The following CNGA3 variants were observed in gnomAD, a reference collection of about 807,000 sequenced individuals.
The protein encoded by CNGA3 is cyclic nucleotide gated channel subunit alpha 3, also known as cyclic nucleotide-gated channel alpha-3.
Under a neutral mutation model 46.6 loss-of-function variants are expected in CNGA3, and 42 were observed. The observed-to-expected ratio is 0.90, with a 90% CI of 0.70 to 1.17. The LOEUF is 1.17. Ranked by LOEUF, CNGA3 falls within the 50% of genes most tolerant of loss-of-function variation. The pLI is 0.00. For missense variants in CNGA3, 893 were observed against 890.7 expected (o/e 1.00, Z -0.03); for synonymous variants, 394 against 369.4 (o/e 1.07, Z -0.76).
chr2:98,355,787 T>A (rs947894594), intron 1 of CNGA3: 4 of 152,210 alleles, frequency 2.6e-5, no homozygotes, highest in African/African-American at 9.6e-5. Context: ...TATTATTAGA[T>A]GAAAAAATTA....
chr2:98,355,777 T>C (rs567126806), intron 1 of CNGA3: 291 of 152,366 alleles, frequency 1.9e-3, no homozygotes, highest in African/African-American at 6.7e-3. Flanking sequence ...AGGCCATTTC[T>C]ATTATTAGAT....
chr2:98,381,889 G>C (rs954833799), intron 4 of CNGA3, among the ~76,000 whole-genome samples: 18 of 152,176 alleles, frequency 1.2e-4, no homozygotes, highest in African/African-American at 4.3e-4. Context: ...GGGGAAAGAG[G>C]AAGAGGGAGG....
chr2:98,355,543 A>G (rs897436198), intron 1 of CNGA3, among the ~76,000 whole-genome samples: 76 of 152,010 alleles, frequency 5.0e-4, no homozygotes, highest in African/African-American at 1.6e-3. Flanking sequence ...TTCTGCACAT[A>G]TTTTAAGTTT....
intron 2 of CNGA3, 34 bp from the exon 3 acceptor site, chr2:98,377,653 A>G: frequency 6.3e-7 from 1 of 1,586,450 alleles, no homozygotes; most frequent in Non-Finnish European, 8.6e-7. Context: ...TGGGCTTGAA[A>G]TCAATTCTGC....
In CNGA3 at chr2:98,398,059, A is replaced by C. The variant is rs955060063; in HGVS notation, c.*804A>C. The C allele has an allele frequency of 4.2e-4, 64 of 152,358 alleles. 3 individuals carry two copies. The highest frequency in any genetic ancestry group is 1.5e-5 in the Non-Finnish European group (1 of 68,216). The allele number at this position is 152,358 out of a possible 1,614,324, so 9.4% of individuals were successfully genotyped here. On this transcript the variant is annotated 3_prime_UTR_variant, in exon 8 of 8. Transcript: ENST00000272602. ...TGACCTATTCTAACTCAAGGAGGAG[A>C]GCTATGTACAGGGAGAGCATTTTAG...
intron 7 of CNGA3, among the ~76,000 whole-genome samples, chr2:98,392,941 G>T (rs1692827622): frequency 6.6e-6 from 1 of 152,182 alleles, no homozygotes. Context: ...GCCTAAGCTG[G>T]TAGAGGCCCT....
rs537301784 is a variant in CNGA3, at chr2:98,384,063, A to G, written c.449+622A>G. ...CACCACACCCGGCTAGTTTTTTTGT[A>G]TTTTTAGTAGAGAGGGGGGGTTTCA... On this transcript the variant is annotated intron_variant, in intron 5 of 7. Transcript: ENST00000272602. Among the ~76,000 whole-genome samples the G allele has an allele frequency of 7.6e-4, 116 of 151,642 alleles. 1 individual carries two copies. Among genetic ancestry groups the G allele is most frequent in the African/African-American group, 2.8e-3 (115 of 41,294 alleles).
chr2:98,372,713 T>C (rs762828933), intron 2 of CNGA3, among the ~76,000 whole-genome samples: 8 of 152,072 alleles, frequency 5.3e-5, no homozygotes, highest in Non-Finnish European at 1.2e-4. Context: ...AATGCAGAGG[T>C]CCTGGCACAG....
At chr2:98,352,933 G>A (rs1168265996) in intron 1 of CNGA3, among the ~76,000 whole-genome samples, 1 of 152,062 alleles carries the variant, frequency 6.6e-6, no homozygotes, top group Admixed American at 6.5e-5. Context: ...CAGGGATTGG[G>A]GTGCTGATCC....
intron 1 of CNGA3, among the ~76,000 whole-genome samples, chr2:98,351,641 G>T (rs916897628): frequency 1.3e-5 from 2 of 152,070 alleles, no homozygotes; most frequent in Admixed American, 6.6e-5. Context: ...ACCTCATAAG[G>T]TTATTGAAAA....
intron 5 of CNGA3, among the ~76,000 whole-genome samples, chr2:98,384,022 G>T (rs1692596352): frequency 6.6e-6 from 1 of 152,070 alleles, no homozygotes; most frequent in Non-Finnish European, 1.5e-5. Context: ...GAGTAGCTGG[G>T]ACTACAGGCG....
At chr2:98,392,077 A>G in intron 7 of CNGA3, 107 bp downstream of exon 7, 1 of 1,017,006 alleles carries the variant, frequency 9.8e-7, no homozygotes, top group Admixed American at 1.9e-5. Flanking sequence ...ATGAGAGGCC[A>G]GGCAGGTCTG....
chr2:98,377,826 C>T (rs1423400603), intron 3 of CNGA3, 26 bp downstream of exon 3: 15 of 1,588,384 alleles, frequency 9.4e-6, no homozygotes, highest in Non-Finnish European at 1.3e-5. Context: ...CAGTCCCTAC[C>T]TTGGCCTGGG....
chr2:98,384,428 T>A (rs1692609339), intron 5 of CNGA3, among the ~76,000 whole-genome samples: 1 of 152,234 alleles, frequency 6.6e-6, no homozygotes, highest in Non-Finnish European at 1.5e-5. Context: ...AATGCCGATT[T>A]CTTGACTTCC....
chr2:98,373,672 T>A (rs191026515), intron 2 of CNGA3, among the ~76,000 whole-genome samples: 14 of 152,364 alleles, frequency 9.2e-5, no homozygotes, highest in Admixed American at 3.3e-4. Context: ...TTTTCATTTC[T>A]ACTTAGATCT....
intron 5 of CNGA3, among the ~76,000 whole-genome samples, chr2:98,389,324 C>T (rs371951231): frequency 6.6e-6 from 1 of 152,322 alleles, no homozygotes; most frequent in South Asian, 2.1e-4. Context: ...TTTAGCAGAC[C>T]TCTGTGACAT....
At chr2:98,374,308 T>C (rs1313360153) in intron 2 of CNGA3, among the ~76,000 whole-genome samples, 1 of 152,224 alleles carries the variant, frequency 6.6e-6, no homozygotes, top group Non-Finnish European at 1.5e-5. Context: ...AAGCAGTCTC[T>C]CCATTCTACT....
At position 98,386,003 on chromosome 2, in the gene CNGA3, C is replaced by G. The variant is rs540264892; in HGVS notation, c.449+2562C>G. Among the ~76,000 whole-genome samples, 6 of 152,268 alleles carry G rather than the reference C, an allele frequency of 3.9e-5. No individual in the cohort carries two copies. In the East Asian group the frequency reaches 9.6e-4, roughly 24 times the overall value. ...AGATTCAAACCACATAAGCTGGTTA[C>G]CTAACTTCTCTGTGTATCTGTTTCC... is the stretch of plus-strand genomic sequence containing the variant. On this transcript the variant is annotated intron_variant, in intron 5 of 7. Transcript: ENST00000272602.
chr2:98,364,088 T>C (rs1327991767), intron 1 of CNGA3, among the ~76,000 whole-genome samples: 1 of 152,124 alleles, frequency 6.6e-6, no homozygotes. Flanking sequence ...TTAAAGTCTG[T>C]TTTGTCAGGC....
Sources: gnomAD v4.1 joint callset for allele counts (sites outside exome capture counted in the v4.1 genomes callset) on GRCh38, gnomAD v4.1.1 for gene constraint, MANE v1.5 for transcripts, NCBI Gene and HGNC (gene_info 2026-07-23, HGNC 2026-07-21) for gene names.